ARHGEF10: variants seen among roughly 807,000 people sequenced by gnomAD.
ARHGEF10 encodes Rho guanine nucleotide exchange factor 10.
A neutral mutation model predicts 147.4 loss-of-function variants in ARHGEF10; 140 were observed. That is an observed-to-expected ratio of 0.95 (90% CI 0.83 to 1.09). The LOEUF (loss-of-function observed/expected upper bound fraction) is 1.09. Among genes scored for constraint, ARHGEF10 ranks in the 50% least tolerant of loss-of-function variants. The pLI, the probability that ARHGEF10 is intolerant of heterozygous loss-of-function variation, is 0.00. For synonymous variants in ARHGEF10, 902 were observed against 695.8 expected, an observed-to-expected ratio of 1.30 and a Z score of -4.67; for missense variants, 2,222 against 1,752.7, an observed-to-expected ratio of 1.27 and a Z score of -4.78.
At position 1,849,240 on chromosome 8, in the gene ARHGEF10, G is replaced by A. The variant is rs1312545372; in HGVS notation, c.37+5804G>A. Among the ~76,000 whole-genome samples the A allele has an allele frequency of 1.6e-4, 24 of 150,636 alleles. No homozygotes were observed. The South Asian group carries it at 4.1e-3, about 26-fold the overall frequency. Reference sequence around the variant, plus strand: ...ATGCTGAGAAGGGTGTGGGGCGGCTGCGGGGACACAGACGGCAAATGCTGA... The same window carrying A: ...ATGCTGAGAAGGGTGTGGGGCGGCTACGGGGACACAGACGGCAAATGCTGA... On this transcript the variant is annotated intron_variant, in intron 2 of 28. Coordinates refer to ENST00000349830, the MANE Select transcript of ARHGEF10 (RefSeq NM_014629.4).
chr8:1,890,383 G>GA (rs1401280871), intron 11 of ARHGEF10, among the ~76,000 whole-genome samples: 1 of 151,062 alleles, frequency 6.6e-6, no homozygotes, highest in Non-Finnish European at 1.5e-5. Context: ...AGGAGTCTGT[G>GA]AGGAGACACT....
chr8:1,862,780 T>C (rs36064057), intron 4 of ARHGEF10, among the ~76,000 whole-genome samples: 51,768 of 125,066 alleles, frequency 0.41, 8,473 homozygotes, highest in Non-Finnish European at 0.44. Context: ...TTCTTCTTTT[T>C]TTTTTTTTTT....
Position 1,883,698 on chromosome 8 carries a change from G to A in ARHGEF10, c.1075+949G>A, listed in dbSNP as rs143000550. Reference sequence around the variant, plus strand: ...ACGGGCAGGTGCATTCTAATAAAATGTGCAGTAGTATCATGCCCTGATGAG... The same window carrying A: ...ACGGGCAGGTGCATTCTAATAAAATATGCAGTAGTATCATGCCCTGATGAG... On this transcript the variant is annotated intron_variant, in intron 10 of 28. Coordinates refer to ENST00000349830, the MANE Select transcript of ARHGEF10 (RefSeq NM_014629.4). Among the ~76,000 whole-genome samples the A allele has an allele frequency of 7.2e-5, 11 of 152,292 alleles. No homozygotes were observed. The East Asian group carries it at 1.4e-3, about 19-fold the overall frequency.
At chr8:1,871,152 A>G (rs925034707) in intron 7 of ARHGEF10, 3 of 151,540 alleles carry the variant, frequency 2.0e-5, no homozygotes, top group African/African-American at 7.3e-5. Flanking sequence ...ACCATAAAAG[A>G]TTAGAACAGC....
chr8:1,854,146 C>T (rs1308438217), intron 2 of ARHGEF10, among the ~76,000 whole-genome samples: 1 of 152,182 alleles, frequency 6.6e-6, no homozygotes, highest in East Asian at 1.9e-4. Context: ...TCTGTGATGC[C>T]CAGGATCCCC....
intron 26 of ARHGEF10, among the ~76,000 whole-genome samples, chr8:1,940,392 C>T (rs1813988754): frequency 6.6e-6 from 1 of 152,104 alleles, no homozygotes; most frequent in Non-Finnish European, 1.5e-5. Flanking sequence ...TGGACAGACT[C>T]TAGAGTGGCA....
At chr8:1,831,382 A>G (rs919548432) in intron 1 of ARHGEF10, among the ~76,000 whole-genome samples, 1 of 53,304 alleles carries the variant, frequency 1.9e-5, no homozygotes, top group Non-Finnish European at 4.1e-5. Context: ...ATGGAGGGAC[A>G]GTGGCAGCCG....
At position 1,880,099 on chromosome 8, in the gene ARHGEF10, G is replaced by C; in HGVS notation, c.895G>C (p.Asp299His). Reference protein sequence around the residue: ...LKEHYEKKMRDLMASTVGVVE... With the variant: ...LKEHYEKKMRHLMASTVGVVE... ...GGAGCACTATGAGAAAAAGATGAGA[G>C]ATTTGATGGCAAGCACGGTGGGCGT... Residue 299 changes from aspartate to histidine, a missense_variant, in exon 9 of 29, where the codon GAT becomes CAT. Coordinates refer to ENST00000349830, the MANE Select transcript of ARHGEF10 (RefSeq NM_014629.4). 6.2e-7 allele frequency: 1 copy of C among 1,614,184 alleles called. No individual in the cohort carries two copies. Among genetic ancestry groups the C allele is most frequent in the Non-Finnish European group, 8.5e-7 (1 of 1,180,012 alleles).
chr8:1,908,300 A>C (rs1248881635), intron 17 of ARHGEF10, among the ~76,000 whole-genome samples: 1 of 138,564 alleles, frequency 7.2e-6, no homozygotes, highest in African/African-American at 2.8e-5. Flanking sequence ...GCTCGATCTC[A>C]GCTCGCTGCA....
intron 18 of ARHGEF10, among the ~76,000 whole-genome samples, chr8:1,918,007 C>T (rs1029525916): frequency 1.5e-4 from 23 of 151,460 alleles, no homozygotes; most frequent in Non-Finnish European, 7.4e-5. Flanking sequence ...AGGCTGGTCT[C>T]GAACTCCTGA....
chr8:1,826,796 T>C (rs1187122739), intron 1 of ARHGEF10, among the ~76,000 whole-genome samples: 1 of 152,216 alleles, frequency 6.6e-6, no homozygotes, highest in Non-Finnish European at 1.5e-5. Context: ...GATCTGGAGA[T>C]GCTCAGAGAA....
chr8:1,926,955 C>A (rs1812739037), intron 23 of ARHGEF10: 1 of 245,176 alleles, frequency 4.1e-6, no homozygotes, highest in Non-Finnish European at 8.0e-6. Flanking sequence ...GCTCTCCCCT[C>A]TCTGGTTTCC....
intron 27 of ARHGEF10, chr8:1,945,867 G>T (rs1814539276): frequency 5.2e-6 from 2 of 384,756 alleles, no homozygotes; most frequent in Non-Finnish European, 4.0e-6. Context: ...CAGGGCACAG[G>T]TCCTGAAGGA....
intron 7 of ARHGEF10, chr8:1,870,186 C>T (rs1806987194): frequency 6.8e-6 from 1 of 146,798 alleles, no homozygotes; most frequent in African/African-American, 2.6e-5. Context: ...GCCGTGTGTT[C>T]TGAAGTTCTG....
At chr8:1,872,803 T>G (rs1466926695) in intron 7 of ARHGEF10, among the ~76,000 whole-genome samples, 2 of 152,192 alleles carry the variant, frequency 1.3e-5, no homozygotes, top group Non-Finnish European at 2.9e-5. Context: ...CAAATATGTT[T>G]TGGGCAGTTA....
At chr8:1,898,080 T>G (rs1810154756) in intron 14 of ARHGEF10, among the ~76,000 whole-genome samples, 1 of 152,148 alleles carries the variant, frequency 6.6e-6, no homozygotes, top group South Asian at 2.1e-4. Context: ...CAGGACGTCT[T>G]TCTGCCCATG....
chr8:1,850,958 C>A (rs114894656), intron 2 of ARHGEF10, among the ~76,000 whole-genome samples: 306 of 152,180 alleles, frequency 2.0e-3, no homozygotes, highest in African/African-American at 7.0e-3. Flanking sequence ...AAGGCTGCGC[C>A]CGGTGCGATT....
At chr8:1,865,462 C>T (rs1287110291) in intron 5 of ARHGEF10, among the ~76,000 whole-genome samples, 2 of 151,834 alleles carry the variant, frequency 1.3e-5, no homozygotes, top group East Asian at 3.9e-4. Flanking sequence ...CATGGGGCAT[C>T]CCCCAGCACC....
intron 4 of ARHGEF10, among the ~76,000 whole-genome samples, chr8:1,861,111 G>T (rs915308435): frequency 6.6e-6 from 1 of 152,174 alleles, no homozygotes; most frequent in African/African-American, 2.4e-5. Context: ...GCTCACCTCC[G>T]GTCTCTGTGT....
Sources: allele counts gnomAD v4.1 joint callset (sites outside exome capture counted in the v4.1 genomes callset), GRCh38; gene constraint gnomAD v4.1.1; transcripts MANE v1.5; gene names NCBI Gene and HGNC (gene_info 2026-07-23, HGNC 2026-07-21).